Variants in PWWP3B observed in about 807,000 individuals in gnomAD.
The protein encoded by PWWP3B is PWWP domain-containing DNA repair factor 3B.
A neutral mutation model predicts 15.7 loss-of-function variants in PWWP3B; 5 were observed. The observed-to-expected ratio is 0.32, with a 90% CI of 0.17 to 0.67. The LOEUF (loss-of-function observed/expected upper bound fraction) is 0.67. Ranked by LOEUF, PWWP3B falls within the 30% of genes least tolerant of loss-of-function variation. The pLI is 0.74. For missense variants in PWWP3B, 519 were observed against 493.1 expected, an observed-to-expected ratio of 1.05 and a Z score of -0.50; for synonymous variants, 203 against 179.8, an observed-to-expected ratio of 1.13 and a Z score of -1.03.
chrX:106,186,375 A>G (rs1922508395), intron 2 of PWWP3B, among the ~76,000 whole-genome samples: 1 of 111,321 alleles, frequency 9.0e-6, no homozygotes, highest in South Asian at 3.8e-4. Flanking sequence ...TTTGTTAGAG[A>G]GCCCTTTCCC....
At position 106,186,837 on chromosome X, in the gene PWWP3B, G is replaced by A. The variant is rs936364445; in HGVS notation, c.-401+15698G>A. Among the ~76,000 whole-genome samples the A allele has an allele frequency of 9.0e-5, 10 of 111,605 alleles. No homozygotes were observed. In the East Asian group the frequency reaches 2.6e-3, roughly 29 times the overall value. ...CCTGCTGATTGGTCCATTTTACAGAGTGCTGACTGGTTCATTTTACAGAGT... is the reference window on the plus strand; with the variant it reads ...CCTGCTGATTGGTCCATTTTACAGAATGCTGACTGGTTCATTTTACAGAGT... On this transcript the variant is annotated intron_variant, in intron 2 of 3. Coordinates refer to ENST00000357175, the MANE Select transcript of PWWP3B (RefSeq NM_001171020.2).
Position 106,205,739 on chromosome X carries a change from T to A in PWWP3B, c.307T>A (p.Leu103Met). The A allele has an allele frequency of 1.7e-6, 2 of 1,211,371 alleles. No individual in the cohort carries two copies. The highest frequency in any genetic ancestry group is 2.2e-6 in the Non-Finnish European group (2 of 895,363). ...GGGTATTCTGAATGAGAGAACAAAT[T>A]TGAGTCAAGCAAGCACTTCAGATGA... ...ALGILNERTN[L>M]SQASTSDEEE... Residue 103 changes from leucine (L) to methionine (M), a missense_variant, in exon 4 of 4, where the codon TTG becomes ATG. By Grantham distance (15) the Leu-to-Met change is conservative. Coordinates refer to ENST00000357175, the MANE Select transcript of PWWP3B (RefSeq NM_001171020.2).
In PWWP3B at chrX:106,206,050, A is replaced by C. The variant is rs1323295331; in HGVS notation, c.618A>C (p.Lys206Asn). The C allele has an allele frequency of 8.3e-7, 1 of 1,210,137 alleles. No homozygotes were observed. The highest frequency in any genetic ancestry group is 1.7e-5 in the African/African-American group (1 of 57,848). The change falls in exon 4 of 4, where the codon AAA becomes AAC. Residue 206 changes from lysine to asparagine, a missense_variant. Lys to Asn is a moderately conservative substitution (Grantham distance 94, BLOSUM62 0). Transcript: ENST00000357175. ...FPSLSEDNDEKENKNKIDISA... is the reference protein window; with the variant it reads ...FPSLSEDNDENENKNKIDISA... ...CACTTTCGGAAGATAATGATGAAAA[A>C]GAGAACAAGAATAAGATTGATATCT... is the stretch of plus-strand genomic sequence containing the variant.
At chrX:106,204,770 G>A (rs1042762825) in intron 3 of PWWP3B, among the ~76,000 whole-genome samples, 3 of 111,792 alleles carry the variant, frequency 2.7e-5, no homozygotes, top group African/African-American at 9.7e-5. Context: ...AAACTTTTGA[G>A]CACAAGCCAA....
At chrX:106,170,179 ATAAT>A (rs1157909628) in intron 1 of PWWP3B, among the ~76,000 whole-genome samples, 1 of 112,065 alleles carries the variant, frequency 8.9e-6, no homozygotes, top group East Asian at 2.8e-4. Context: ...GATATGGAAA[ATAAT>A]TATTGATATG....
intron 1 of PWWP3B, among the ~76,000 whole-genome samples, chrX:106,169,678 G>A (rs750728070): frequency 7.0e-4 from 78 of 111,899 alleles, no homozygotes; most frequent in African/African-American, 2.2e-3. Context: ...GGAATAATTC[G>A]TAAAATGTTT....
intron 2 of PWWP3B, among the ~76,000 whole-genome samples, chrX:106,200,051 G>A (rs906261674): frequency 5.4e-5 from 6 of 111,512 alleles, no homozygotes; most frequent in Admixed American, 9.5e-5. Flanking sequence ...GCCAGTTGGG[G>A]ATCCATGCCT....
intron 2 of PWWP3B, among the ~76,000 whole-genome samples, chrX:106,185,840 A>G (rs375180389): frequency 8.9e-6 from 1 of 111,922 alleles, no homozygotes; most frequent in African/African-American, 3.2e-5. Context: ...AATAGGAAGG[A>G]TATAATTTCT....
At position 106,183,607 on chromosome X, in the gene PWWP3B, T is replaced by A. The variant is rs142441002; in HGVS notation, c.-401+12468T>A. On this transcript the variant is annotated intron_variant, in intron 2 of 3. Transcript: ENST00000357175. ...GACTTTTAGGCATAAGAAAGGCATG[T>A]GAAAAGAGCAAAGTCTCCCAGTTAC... Among the ~76,000 whole-genome samples the A allele has an allele frequency of 7.1e-5, 8 of 112,078 alleles. No homozygotes were observed. The East Asian group carries it at 2.3e-3, about 32-fold the overall frequency.
intron 2 of PWWP3B, chrX:106,177,199 A>G (rs750608909): frequency 8.9e-6 from 1 of 112,862 alleles, no homozygotes. Context: ...TTGCAGTTTA[A>G]CTTGGTGATC....
rs780721901 is a variant in PWWP3B at position 106,201,097 on chromosome X, T to C, written c.-400-2888T>C. On this transcript the variant is annotated intron_variant, in intron 2 of 3. Coordinates refer to ENST00000357175, the MANE Select transcript of PWWP3B (RefSeq NM_001171020.2). ...AAAATAAAAATAAAAAAAGAAACAA[T>C]TGTTAATTATCGATGAGGGCATATG... Among the ~76,000 whole-genome samples the C allele has an allele frequency of 3.6e-5, 4 of 110,734 alleles. No homozygotes were observed. The East Asian group carries it at 1.1e-3, about 31-fold the overall frequency.
chrX:106,180,397 T>C (rs1922129467), intron 2 of PWWP3B, among the ~76,000 whole-genome samples: 1 of 112,006 alleles, frequency 8.9e-6, no homozygotes, highest in Non-Finnish European at 1.9e-5. Context: ...TTATTTGTCT[T>C]GTGCCCAGTA....
chrX:106,188,279 A>G (rs1922642455), intron 2 of PWWP3B, among the ~76,000 whole-genome samples: 2 of 112,218 alleles, frequency 1.8e-5, no homozygotes, highest in African/African-American at 3.2e-5. Context: ...CAGAAGTACA[A>G]GTTAATAAAA....
intron 2 of PWWP3B, among the ~76,000 whole-genome samples, chrX:106,190,348 A>C (rs1922844640): frequency 8.9e-6 from 1 of 112,148 alleles, no homozygotes; most frequent in South Asian, 3.7e-4. Flanking sequence ...TCTTCTTTTG[A>C]GAAGTGTCTG....
chrX:106,179,859 G>A (rs1922095726), intron 2 of PWWP3B, among the ~76,000 whole-genome samples: 1 of 112,076 alleles, frequency 8.9e-6, no homozygotes, highest in Non-Finnish European at 1.9e-5. Context: ...CTAATGTTGG[G>A]AAAGAATTAT....
rs185849227 is a variant in PWWP3B, at chrX:106,201,065, A to G, written c.-400-2920A>G. On this transcript the variant is annotated intron_variant, in intron 2 of 3. Coordinates refer to ENST00000357175, the MANE Select transcript of PWWP3B (RefSeq NM_001171020.2). Reference sequence around the variant, plus strand: ...TCCGTCTCAAAAAAAAAAATAAAATAAAATAAAAAATAAAAATAAAAAAAG... The same window carrying G: ...TCCGTCTCAAAAAAAAAAATAAAATGAAATAAAAAATAAAAATAAAAAAAG... Among the ~76,000 whole-genome samples the G allele has an allele frequency of 3.5e-3, 390 of 110,573 alleles. 3 individuals are homozygous for G. Among genetic ancestry groups the G allele is most frequent in the African/African-American group, 0.012 (374 of 30,575 alleles).
intron 2 of PWWP3B, among the ~76,000 whole-genome samples, chrX:106,200,425 G>A (rs906221905): frequency 9.0e-6 from 1 of 111,169 alleles, no homozygotes; most frequent in African/African-American, 3.3e-5. Flanking sequence ...CCAGCCTAGA[G>A]ATGGCTTTCA....
chrX:106,190,844 C>G (rs1922890834), intron 2 of PWWP3B, among the ~76,000 whole-genome samples: 1 of 111,217 alleles, frequency 9.0e-6, no homozygotes, highest in South Asian at 3.8e-4. Flanking sequence ...TGTCAAAGAT[C>G]AGATAGTTGT....
At chrX:106,175,467 C>G (rs1921854475) in intron 2 of PWWP3B, among the ~76,000 whole-genome samples, 1 of 109,846 alleles carries the variant, frequency 9.1e-6, no homozygotes, top group African/African-American at 3.3e-5. Context: ...GTCTCGATCT[C>G]CTGACCTCAT....
Sources: gnomAD v4.1 joint callset for allele counts (sites outside exome capture counted in the v4.1 genomes callset) on GRCh38, gnomAD v4.1.1 for gene constraint, MANE v1.5 for transcripts, NCBI Gene and HGNC (gene_info 2026-07-23, HGNC 2026-07-21) for gene names.